The following CTF1 variants were observed in gnomAD, a reference collection of about 807,000 sequenced individuals.
CTF1 encodes cardiotrophin 1, also known as cardiotrophin-1.
CTF1 carries 9 observed loss-of-function variants against 10.9 expected under a neutral mutation model. The ratio of observed to expected loss-of-function variants is 0.83; its 90% CI spans 0.50 to 1.44. The LOEUF is 1.44. Among genes scored for constraint, CTF1 ranks in the 40% most tolerant of loss-of-function variants. The pLI is 0.00. For missense variants in CTF1, 259 were observed against 275.3 expected, an observed-to-expected ratio of 0.94 and a Z score of 0.42; for synonymous variants, 133 against 138.8, an observed-to-expected ratio of 0.96 and a Z score of 0.29.
chr16:30,901,620 T>G (rs2055400541), intron 2 of CTF1, among the ~76,000 whole-genome samples: 1 of 152,116 alleles, frequency 6.6e-6, no homozygotes, highest in African/African-American at 2.4e-5. Context: ...TCACCCAGGC[T>G]GGAGGGCAGT....
chr16:30,903,557 G>A (rs2055427502), downstream of CTF1: 1 of 152,194 alleles, frequency 6.6e-6, no homozygotes, highest in African/African-American at 2.4e-5. Flanking sequence ...AGAAACTAAA[G>A]TTACTTGTAT....
Position 30,902,134 on chromosome 16 carries a change from G to C in CTF1, c.201G>C (p.Pro67=). Residue 67 remains proline, a synonymous_variant, in exon 3 of 3, where the codon CCG becomes CCC. Coordinates refer to ENST00000279804, the MANE Select transcript of CTF1 (RefSeq NM_001330.5). ...CCAGCTTCTCGCCGCCGCGGCTGCCGGTGGCCGGCCTGAGCGCCCCGGCTC... is the reference window on the plus strand; with the variant it reads ...CCAGCTTCTCGCCGCCGCGGCTGCCCGTGGCCGGCCTGAGCGCCCCGGCTC... ...GLPSFSPPRL[P]VAGLSAPAPS... 7.1e-7 allele frequency: 1 copy of C among 1,409,294 alleles called. No individual in the cohort carries two copies. Among genetic ancestry groups the C allele is most frequent in the Non-Finnish European group, 9.3e-7 (1 of 1,077,914 alleles). 87.3% of individuals were successfully genotyped at this position (1,409,294 alleles called of 1,614,324 possible). A position where few individuals can be genotyped will look rare whatever the true frequency, so the allele number is the denominator to read the frequency against.
At chr16:30,896,518 G>A (rs2055350633), upstream of CTF1, 3 of 851,268 alleles carry the variant, frequency 3.5e-6, no homozygotes, top group East Asian at 3.3e-5. Flanking sequence ...CAAAAGGGGG[G>A]GTAGGATGAA....
chr16:30,899,373 C>A, intron 1 of CTF1, 42 bp from the exon 2 acceptor site: 2 of 1,180,532 alleles, frequency 1.7e-6, no homozygotes, highest in Non-Finnish European at 2.5e-6. Flanking sequence ...GATCAATGAG[C>A]AGGAGGTTGG....
Position 30,902,143 on chromosome 16 carries a change from C to T in CTF1, c.210C>T (p.Gly70=), listed in dbSNP as rs1302883765. 2.9e-6 allele frequency: 4 copies of T among 1,398,502 alleles called. No individual in the cohort carries two copies. Among genetic ancestry groups the T allele is most frequent in the Admixed American group, 5.2e-5 (2 of 38,578 alleles). 86.6% of individuals were successfully genotyped at this position (1,398,502 alleles called of 1,614,324 possible). ...SFSPPRLPVA[G]LSAPAPSHAG... Reference sequence around the variant, plus strand: ...CGCCGCCGCGGCTGCCGGTGGCCGGCCTGAGCGCCCCGGCTCCGAGCCACG... The same window carrying T: ...CGCCGCCGCGGCTGCCGGTGGCCGGTCTGAGCGCCCCGGCTCCGAGCCACG... Residue 70 remains glycine, a synonymous_variant, in exon 3 of 3, where the codon GGC becomes GGT. Coordinates refer to ENST00000279804, the MANE Select transcript of CTF1 (RefSeq NM_001330.5).
intron 1 of CTF1, 137 bp from the exon 2 acceptor site, chr16:30,899,278 C>T (rs1596637588): frequency 1.3e-6 from 1 of 776,626 alleles, no homozygotes; most frequent in East Asian, 2.4e-5. Context: ...ACCTGCTTGA[C>T]AAAGTTCTGG....
At chr16:30,899,373 C>T (rs752715310) in intron 1 of CTF1, 42 bp from the exon 2 acceptor site, 1 of 1,180,534 alleles carries the variant, frequency 8.5e-7, no homozygotes, top group Non-Finnish European at 1.3e-6. Context: ...GATCAATGAG[C>T]AGGAGGTTGG....
upstream of CTF1, among the ~76,000 whole-genome samples, chr16:30,895,875 T>G (rs142112872): frequency 8.0e-4 from 122 of 152,188 alleles, no homozygotes; most frequent in Non-Finnish European, 1.6e-3. Flanking sequence ...CTCGTCTTCA[T>G]TCACAAACCC....
rs1436837095 is a variant in CTF1, at chr16:30,902,274, G to GCGCGC, written c.348_352dup (p.Leu118ArgfsTer70). The GCGCGC allele has an allele frequency of 9.6e-7, 1 of 1,043,262 alleles. No individual in the cohort carries two copies. The highest frequency in any genetic ancestry group is 1.7e-5 in the African/African-American group (1 of 57,948). The allele number at this position is 1,043,262 out of a possible 1,614,324, so 64.6% of individuals were successfully genotyped here. On this transcript the variant is annotated frameshift_variant, in exon 3 of 3. Coordinates refer to ENST00000279804, the MANE Select transcript of CTF1 (RefSeq NM_001330.5). LOFTEE classifies it high-confidence loss of function. ...CGCCGCCAGGCCGAGCTGAACCCGC[G>GCGCGC]CGCGCCGCGCCTGCTGCGCCGCCTG...
chr16:30,898,412 A>G (rs879597930), intron 1 of CTF1, among the ~76,000 whole-genome samples: 74 of 152,088 alleles, frequency 4.9e-4, no homozygotes, highest in African/African-American at 1.6e-3. Flanking sequence ...TCATCCTCCC[A>G]AAGTGTGGGA....
chr16:30,895,925 C>T (rs1054098804), upstream of CTF1, among the ~76,000 whole-genome samples: 2 of 152,176 alleles, frequency 1.3e-5, no homozygotes, highest in East Asian at 3.8e-4. Flanking sequence ...CGACAGACCG[C>T]GAGCCCCTCG....
At chr16:30,899,045 C>A (rs1050682953) in intron 1 of CTF1, among the ~76,000 whole-genome samples, 3 of 152,170 alleles carry the variant, frequency 2.0e-5, no homozygotes, top group Non-Finnish European at 4.4e-5. Context: ...AGCCTAGGAA[C>A]AATTGACTAA....
At chr16:30,900,915 T>C (rs2055395579) in intron 2 of CTF1, among the ~76,000 whole-genome samples, 1 of 150,032 alleles carries the variant, frequency 6.7e-6, no homozygotes, top group Non-Finnish European at 1.5e-5. Flanking sequence ...TTTTTTGAAA[T>C]GGAGTTTCGC....
In CTF1 at chr16:30,902,734, G is replaced by A; in HGVS notation, c.*195G>A. 1.2e-6 allele frequency: 1 copy of A among 801,252 alleles called. No individual in the cohort carries two copies. 49.6% of individuals were successfully genotyped at this position (801,252 alleles called of 1,614,324 possible). On this transcript the variant is annotated 3_prime_UTR_variant, in exon 3 of 3. Transcript: ENST00000279804. ...CTGTCGCCCAGGCTGGGGTGCAGTG[G>A]CGCGATCCCAGCACTGCAGCCTCAA...
In CTF1 at chr16:30,902,085, TC is replaced by T; in HGVS notation, c.154del (p.Gln52ArgfsTer20). The T allele has an allele frequency of 1.4e-6, 2 of 1,445,996 alleles. No individual in the cohort carries two copies. The highest frequency in any genetic ancestry group is 1.3e-5 in the South Asian group (1 of 75,088). The allele number at this position is 1,445,996 out of a possible 1,614,324, so 89.6% of individuals were successfully genotyped here. A position where few individuals can be genotyped will look rare whatever the true frequency, so the allele number is the denominator to read the frequency against. ...CCGGCCGTGTCTCCGCAGGTGCAGC[TC>T]CAGGGAGACCCCTTCGGGCTGCCCA... ...AEQLLQEYVQ[L>X]QGDPFGLPSF... On this transcript the variant is annotated frameshift_variant, in exon 3 of 3. Transcript: ENST00000279804. LOFTEE classifies it high-confidence loss of function.
intron 2 of CTF1, among the ~76,000 whole-genome samples, chr16:30,899,844 T>C (rs2055387034): frequency 6.6e-6 from 1 of 152,156 alleles, no homozygotes; most frequent in Non-Finnish European, 1.5e-5. Flanking sequence ...CTCAACCTCC[T>C]GGGCTTAAGC....
chr16:30,898,515 A>T (rs1160232239), intron 1 of CTF1, among the ~76,000 whole-genome samples: 1 of 150,838 alleles, frequency 6.6e-6, no homozygotes, highest in Non-Finnish European at 1.5e-5. Flanking sequence ...CTGGTCTCAA[A>T]CTCCTGACCT....
chr16:30,897,969 C>T (rs1193503765), intron 1 of CTF1, among the ~76,000 whole-genome samples: 1 of 151,886 alleles, frequency 6.6e-6, no homozygotes, highest in East Asian at 2.0e-4. Flanking sequence ...ATTCTCCTGC[C>T]TCAGCCTCCC....
chr16:30,899,361 G>A (rs933744055), intron 1 of CTF1, 54 bp from the exon 2 acceptor site: 11 of 1,065,018 alleles, frequency 1.0e-5, no homozygotes, highest in Admixed American at 5.1e-5. Flanking sequence ...CGTGGGAGAG[G>A]TGATCAATGA....
Sources: gnomAD v4.1 joint callset for allele counts (sites outside exome capture counted in the v4.1 genomes callset) on GRCh38, gnomAD v4.1.1 for gene constraint, MANE v1.5 for transcripts, NCBI Gene and HGNC (gene_info 2026-07-23, HGNC 2026-07-21) for gene names.